ZNF503: variants seen among roughly 807,000 people sequenced by gnomAD.
The protein encoded by ZNF503 is zinc finger protein 503.
Under a neutral mutation model 34.4 loss-of-function variants are expected in ZNF503, and 15 were observed. That is an observed-to-expected ratio of 0.44 (90% confidence interval 0.29 to 0.67). The LOEUF (loss-of-function observed/expected upper bound fraction) is 0.67, where lower values mean the gene tolerates loss of function less well. Among genes scored for constraint, ZNF503 ranks in the 30% least tolerant of loss-of-function variants. The probability of loss-of-function intolerance (pLI) is 0.13; values close to 1 mark genes in which losing one functional copy is unlikely to be tolerated. For missense variants in ZNF503, 1,007 were observed against 926.8 expected, an observed-to-expected ratio of 1.09 and a Z score of -1.12; for synonymous variants, 580 against 456.8, an observed-to-expected ratio of 1.27 and a Z score of -3.44.
chr10:75,329,434 C>CCTTTCTTTCTTTCTTT, the ZNF503 span, among the ~76,000 whole-genome samples: 1 of 87,380 alleles, frequency 1.1e-5, no homozygotes, highest in African/African-American at 3.8e-5. Context: ...TTCCTTCCTT[C>CCTTTCTTTCTTTCTTT]CTTTCTTTCT....
chr10:75,287,954 C>G, the ZNF503 span, among the ~76,000 whole-genome samples: 2 of 152,298 alleles, frequency 1.3e-5, no homozygotes, highest in African/African-American at 4.8e-5. Flanking sequence ...CCTTCCCACT[C>G]TTGTGCATGG....
chr10:75,367,037 C>T, the ZNF503 span, among the ~76,000 whole-genome samples: 1 of 152,232 alleles, frequency 6.6e-6, no homozygotes, highest in Admixed American at 6.5e-5. Context: ...TAGCTGGCTG[C>T]ACCACTTTGT....
At chr10:75,284,503 T>C in the ZNF503 span, among the ~76,000 whole-genome samples, 1 of 151,940 alleles carries the variant, frequency 6.6e-6, no homozygotes, top group Admixed American at 6.6e-5. Context: ...AGAAAAAAAT[T>C]CTCTCAACCC....
At chr10:75,294,784 A>C in the ZNF503 span, among the ~76,000 whole-genome samples, 1 of 151,556 alleles carries the variant, frequency 6.6e-6, no homozygotes, top group Non-Finnish European at 1.5e-5. Flanking sequence ...CCCGGAGAGG[A>C]AGAGGGGGAG....
At chr10:75,394,555 A>T (rs1429893829), downstream of ZNF503, among the ~76,000 whole-genome samples, 2 of 152,246 alleles carry the variant, frequency 1.3e-5, no homozygotes, top group Non-Finnish European at 2.9e-5. Flanking sequence ...CTGGAGCTGC[A>T]GCCTTATGAG....
the ZNF503 span, among the ~76,000 whole-genome samples, chr10:75,287,623 G>A: frequency 0.11 from 16,724 of 152,164 alleles, 994 homozygotes; most frequent in Middle Eastern, 0.17. Flanking sequence ...GCTTCCTGAG[G>A]GTAGGTTGAA....
the ZNF503 span, among the ~76,000 whole-genome samples, chr10:75,381,745 G>T: frequency 6.8e-6 from 1 of 147,490 alleles, no homozygotes; most frequent in African/African-American, 2.5e-5. Flanking sequence ...TGTGTGCAGT[G>T]GGGGGACAAA....
the ZNF503 span, chr10:75,382,894 T>G: frequency 6.0e-5 from 15 of 249,096 alleles, no homozygotes; most frequent in African/African-American, 9.2e-5. Context: ...TGGGAGCTGG[T>G]GCCGCTGGTC....
At chr10:75,372,953 G>C in the ZNF503 span, among the ~76,000 whole-genome samples, 1 of 152,198 alleles carries the variant, frequency 6.6e-6, no homozygotes, top group Non-Finnish European at 1.5e-5. Context: ...ATCCTTGAGA[G>C]CTTCCTTCCA....
At chr10:75,280,619 T>C in the ZNF503 span, among the ~76,000 whole-genome samples, 20 of 152,082 alleles carry the variant, frequency 1.3e-4, no homozygotes, top group Non-Finnish European at 2.9e-4. Context: ...CATTCATCCA[T>C]TTATTCATTC....
the ZNF503 span, among the ~76,000 whole-genome samples, chr10:75,383,935 C>A: frequency 6.6e-6 from 1 of 152,250 alleles, no homozygotes; most frequent in Non-Finnish European, 1.5e-5. Context: ...CTTGCCCTGG[C>A]AGACACTTGT....
chr10:75,346,890 C>T, the ZNF503 span, among the ~76,000 whole-genome samples: 1 of 151,934 alleles, frequency 6.6e-6, no homozygotes, highest in Non-Finnish European at 1.5e-5. Context: ...GATCCTCCTG[C>T]CTCAGCCTCC....
At chr10:75,400,941 CT>C in intron 1 of ZNF503, 163 bp downstream of exon 1, 2 of 1,064,060 alleles carry the variant, frequency 1.9e-6, no homozygotes, top group Non-Finnish European at 2.7e-6. Context: ...CTTCCTCCCC[CT>C]TTTCCGCCCT....
the ZNF503 span, among the ~76,000 whole-genome samples, chr10:75,388,536 G>T: frequency 3.4e-4 from 51 of 152,206 alleles, no homozygotes; most frequent in African/African-American, 1.1e-3. Context: ...AGAGTGAAAG[G>T]CACAAGAATA....
the ZNF503 span, among the ~76,000 whole-genome samples, chr10:75,295,896 A>C: frequency 4.9e-4 from 75 of 152,282 alleles, no homozygotes; most frequent in Non-Finnish European, 5.7e-4. The surrounding 1 kb of genome is among the most constrained non-coding windows in gnomAD (Gnocchi z 4.0). Context: ...AGAGAGAGAC[A>C]AAGTCAGGAG....
chr10:75,345,036 A>G, the ZNF503 span, among the ~76,000 whole-genome samples: 2 of 152,230 alleles, frequency 1.3e-5, no homozygotes, highest in South Asian at 2.1e-4. Context: ...ACTCTATGCA[A>G]TGGAGTACCT....
At chr10:75,382,757 C>T in the ZNF503 span, 2 of 328,782 alleles carry the variant, frequency 6.1e-6, no homozygotes, top group South Asian at 6.2e-5. Context: ...TCTGGTTGCT[C>T]TCTCAGAATC....
At chr10:75,397,771 G>C (rs1334832080), downstream of ZNF503, 1 of 152,506 alleles carries the variant, frequency 6.6e-6, no homozygotes, top group Non-Finnish European at 1.5e-5. Flanking sequence ...TGAGGCCCCG[G>C]AACCCACTGC....
downstream of ZNF503, among the ~76,000 whole-genome samples, chr10:75,394,950 G>A (rs1042003216): frequency 6.6e-6 from 1 of 152,190 alleles, no homozygotes; most frequent in Non-Finnish European, 1.5e-5. Flanking sequence ...ACCACCAGAG[G>A]CACAGGTAGG....
Sources: allele counts gnomAD v4.1 joint callset (sites outside exome capture counted in the v4.1 genomes callset), GRCh38; gene constraint gnomAD v4.1.1; non-coding constraint Gnocchi (gnomAD v3.1); transcripts MANE v1.5; gene names NCBI Gene and HGNC (gene_info 2026-07-23, HGNC 2026-07-21).